The following DOCK3 variants were observed in gnomAD, a reference collection of about 807,000 sequenced individuals.
DOCK3 encodes dedicator of cytokinesis 3, also known as dedicator of cytokinesis protein 3.
DOCK3 carries 60 observed loss-of-function variants against 265.6 expected under a neutral mutation model. That is an observed-to-expected ratio of 0.23 (90% CI 0.18 to 0.28). The LOEUF is 0.28. Ranked by LOEUF, DOCK3 falls within the 10% of genes least tolerant of loss-of-function variation. The pLI is 1.00. For missense variants in DOCK3, 1,981 were observed against 2,594.3 expected (o/e 0.76, Z 5.14); for synonymous variants, 881 against 938.0 (o/e 0.94, Z 1.11).
At chr3:50,799,421 A>C (rs558110876) in intron 2 of DOCK3, among the ~76,000 whole-genome samples, 1 of 151,752 alleles carries the variant, frequency 6.6e-6, no homozygotes, top group African/African-American at 2.4e-5. Flanking sequence ...CCTTGTAGAG[A>C]TCTTTCACCT....
chr3:51,175,073 G>C (rs2086870467), intron 12 of DOCK3, among the ~76,000 whole-genome samples: 1 of 152,196 alleles, frequency 6.6e-6, no homozygotes, highest in Non-Finnish European at 1.5e-5. Context: ...TCACTGGGTG[G>C]GTTCCTGGGC....
chr3:50,771,195 G>A (rs559232167), intron 1 of DOCK3, among the ~76,000 whole-genome samples: 8 of 152,228 alleles, frequency 5.3e-5, no homozygotes, highest in South Asian at 2.1e-4. Flanking sequence ...TGCAAACTAC[G>A]CATCTGAGAA....
At chr3:50,891,827 T>C (rs927866604) in intron 4 of DOCK3, among the ~76,000 whole-genome samples, 2 of 152,012 alleles carry the variant, frequency 1.3e-5, no homozygotes, top group Non-Finnish European at 2.9e-5. Context: ...GATGAGGAAC[T>C]TATCCTAAGT....
intron 3 of DOCK3, among the ~76,000 whole-genome samples, chr3:50,885,364 GT>G (rs62977761): frequency 0.64 from 83,245 of 129,348 alleles, 25,652 homozygotes; most frequent in South Asian, 0.73. Flanking sequence ...TTTGTATGCA[GT>G]TTTTTTTTTT....
chr3:50,916,904 G>A (rs187037704), intron 4 of DOCK3, among the ~76,000 whole-genome samples: 159 of 151,948 alleles, frequency 1.0e-3, no homozygotes, highest in Admixed American at 1.8e-3. Flanking sequence ...CTTTATGAGG[G>A]GGACAAGTGC....
intron 23 of DOCK3, among the ~76,000 whole-genome samples, chr3:51,269,619 C>T (rs2080389758): frequency 6.6e-6 from 1 of 152,144 alleles, no homozygotes; most frequent in Non-Finnish European, 1.5e-5. Flanking sequence ...AAGAAAACAG[C>T]CTTCCCTCCC....
intron 49 of DOCK3, among the ~76,000 whole-genome samples, chr3:51,372,894 A>G (rs957928715): frequency 2.6e-5 from 4 of 152,238 alleles, no homozygotes; most frequent in Non-Finnish European, 5.9e-5. Context: ...TACAGGTTCT[A>G]AAAGAGAACA....
At chr3:51,223,791 G>A (rs1396826308) in intron 14 of DOCK3, among the ~76,000 whole-genome samples, 2 of 152,188 alleles carry the variant, frequency 1.3e-5, no homozygotes, top group South Asian at 2.1e-4. Context: ...GTGAAGTTCT[G>A]TTAAGTTTGG....
chr3:50,802,616 G>GT (rs1361985213), intron 2 of DOCK3, among the ~76,000 whole-genome samples: 1 of 152,048 alleles, frequency 6.6e-6, no homozygotes. Flanking sequence ...CTATTGGCCT[G>GT]TAAGTTTTCT....
intron 5 of DOCK3, among the ~76,000 whole-genome samples, chr3:50,993,784 T>C (rs1342056224): frequency 1.3e-5 from 2 of 152,216 alleles, no homozygotes; most frequent in Non-Finnish European, 2.9e-5. Flanking sequence ...AAAATGACCT[T>C]TTTAAAATTC....
At chr3:50,832,575 T>C (rs1176383202) in intron 2 of DOCK3, among the ~76,000 whole-genome samples, 1 of 152,228 alleles carries the variant, frequency 6.6e-6, no homozygotes, top group Non-Finnish European at 1.5e-5. Context: ...TGCTGACTTC[T>C]TGTCTCATCC....
Position 51,214,123 on chromosome 3 carries a change from T to G in DOCK3, c.1128T>G (p.Gly376=), listed in dbSNP as rs1187432954. 6.2e-7 allele frequency: 1 copy of G among 1,613,724 alleles called. No individual in the cohort carries two copies. Among genetic ancestry groups the G allele is most frequent in the East Asian group, 2.2e-5 (1 of 44,870 alleles). The change falls in exon 14 of 53, where the codon GGT becomes GGG. Residue 376 remains glycine, a splice_region_variant and synonymous_variant. Transcript: ENST00000266037. ...AKYSAPSASH[G]LIISLQLLRG... The stretch of plus-strand genomic sequence containing the variant: ...AAGAAAATGCTTTTGTTTTTGCAGG[T>G]CTTATCATTTCTCTGCAGCTTCTTC...
At chr3:51,362,127 C>T in intron 48 of DOCK3, 130 bp downstream of exon 48, 2 of 1,215,394 alleles carry the variant, frequency 1.6e-6, no homozygotes, top group Non-Finnish European at 1.1e-6. Flanking sequence ...GAACACCCCT[C>T]ACCAGAGCTA....
chr3:51,199,878 A>G (rs1341257482), intron 12 of DOCK3, among the ~76,000 whole-genome samples: 3 of 152,200 alleles, frequency 2.0e-5, no homozygotes, highest in Admixed American at 6.5e-5. Flanking sequence ...CGGTTCACGA[A>G]AAACCACTGT....
At chr3:51,312,599 A>G (rs781036697) in intron 30 of DOCK3, 23 bp downstream of exon 30, 2 of 1,556,396 alleles carry the variant, frequency 1.3e-6, no homozygotes, top group East Asian at 2.2e-5. Context: ...TCTTATATTC[A>G]TCTCCTTACC....
intron 2 of DOCK3, among the ~76,000 whole-genome samples, chr3:50,801,233 G>T (rs2043049710): frequency 6.6e-6 from 1 of 152,096 alleles, no homozygotes; most frequent in African/African-American, 2.4e-5. Flanking sequence ...GGCCCCTGCT[G>T]CTTGTTATTC....
intron 9 of DOCK3, among the ~76,000 whole-genome samples, chr3:51,111,069 C>T (rs1419059122): frequency 6.6e-6 from 1 of 152,144 alleles, no homozygotes; most frequent in African/African-American, 2.4e-5. Flanking sequence ...GGAAGGTAGT[C>T]CCATTCACAA....
intron 4 of DOCK3, among the ~76,000 whole-genome samples, chr3:50,907,815 T>A (rs1462669172): frequency 6.6e-6 from 1 of 151,802 alleles, no homozygotes; most frequent in Admixed American, 6.6e-5. Context: ...TGGTACCAGC[T>A]CTTTTTTGTG....
chr3:51,297,311 A>G (rs1318718410), intron 27 of DOCK3, among the ~76,000 whole-genome samples: 1 of 152,162 alleles, frequency 6.6e-6, no homozygotes, highest in Non-Finnish European at 1.5e-5. Context: ...ACCAAAGTGC[A>G]AACAACAAAA....
Sources: gnomAD v4.1 joint callset for allele counts (sites outside exome capture counted in the v4.1 genomes callset) on GRCh38, gnomAD v4.1.1 for gene constraint, MANE v1.5 for transcripts, NCBI Gene and HGNC (gene_info 2026-07-23, HGNC 2026-07-21) for gene names.